The following EYS variants were observed in gnomAD, a reference collection of about 807,000 sequenced individuals.
EYS encodes the protein EGF-like photoreceptor maintenance factor, also known as protein eyes shut homolog.
EYS carries 250 observed loss-of-function variants against 282.1 expected under a neutral mutation model. That is an observed-to-expected ratio of 0.89 (90% CI 0.80 to 0.98). The LOEUF is 0.98. Ranked by LOEUF, EYS falls within the 50% of genes least tolerant of loss-of-function variation. The probability of loss-of-function intolerance (pLI) is 0.00; values close to 1 mark genes in which losing one functional copy is unlikely to be tolerated. For missense variants in EYS, 4,016 were observed against 3,709.0 expected (o/e 1.08, Z -2.15); for synonymous variants, 1,355 against 1,282.9 (o/e 1.06, Z -1.20).
intron 12 of EYS, among the ~76,000 whole-genome samples, chr6:65,170,270 C>T (rs1765075060): frequency 6.6e-6 from 1 of 150,942 alleles, no homozygotes; most frequent in African/African-American, 2.4e-5. Context: ...AAGAAAGAAC[C>T]CATTGAATGA....
At chr6:64,346,692 TAA>T (rs1333774342) in intron 29 of EYS, among the ~76,000 whole-genome samples, 1 of 151,710 alleles carries the variant, frequency 6.6e-6, no homozygotes, top group African/African-American at 2.4e-5. Context: ...CCCTAAAACT[TAA>T]AGTATAATAA....
At chr6:64,975,195 T>C (rs1366414690) in intron 14 of EYS, among the ~76,000 whole-genome samples, 1 of 151,850 alleles carries the variant, frequency 6.6e-6, no homozygotes, top group Non-Finnish European at 1.5e-5. Flanking sequence ...TGATATTGAT[T>C]AGAAACTGCA....
At chr6:64,725,163 T>C (rs960682732) in intron 22 of EYS, among the ~76,000 whole-genome samples, 3 of 152,194 alleles carry the variant, frequency 2.0e-5, no homozygotes, top group African/African-American at 7.2e-5. Context: ...AATATAGATG[T>C]TGCTTGTAAT....
In EYS at chr6:64,907,295, C is replaced by G. The variant is rs145637663; in HGVS notation, c.2642-4795G>C. ...GAGCTATTGGCCTCAAGCAATCCTCCTGCCTTAGTCTCCCAAAGTGCTGTG... is the reference window on the plus strand; with the variant it reads ...GAGCTATTGGCCTCAAGCAATCCTCGTGCCTTAGTCTCCCAAAGTGCTGTG... On this transcript the variant is annotated intron_variant, in intron 16 of 42. Transcript: ENST00000503581. Among the ~76,000 whole-genome samples, 128 of 152,218 alleles carry G rather than the reference C, an allele frequency of 8.4e-4. 1 individual carries two copies. The East Asian group carries it at 0.022, about 26-fold the overall frequency.
intron 2 of EYS, among the ~76,000 whole-genome samples, chr6:65,501,633 T>A (rs1429103070): frequency 1.3e-5 from 2 of 151,784 alleles, no homozygotes; most frequent in Non-Finnish European, 2.9e-5. Context: ...ATTCAAGATA[T>A]CATTTCAATT....
intron 22 of EYS, among the ~76,000 whole-genome samples, chr6:64,723,880 C>T (rs553386020): frequency 6.6e-6 from 1 of 152,244 alleles, no homozygotes; most frequent in South Asian, 2.1e-4. Flanking sequence ...CATCACTGCA[C>T]TGTGCCTAGT....
At chr6:65,365,823 C>T (rs527665186) in intron 8 of EYS, among the ~76,000 whole-genome samples, 1 of 151,812 alleles carries the variant, frequency 6.6e-6, no homozygotes, top group South Asian at 2.1e-4. Flanking sequence ...CCCGTGATTA[C>T]ATCTGCAATC....
chr6:65,458,373 T>G (rs1764706996), intron 5 of EYS, among the ~76,000 whole-genome samples: 1 of 152,140 alleles, frequency 6.6e-6, no homozygotes, highest in Non-Finnish European at 1.5e-5. Flanking sequence ...GATTCATCTT[T>G]GTAGTCTTAG....
chr6:64,983,580 G>C (rs1267121992), intron 14 of EYS, among the ~76,000 whole-genome samples: 1 of 151,050 alleles, frequency 6.6e-6, no homozygotes. Context: ...ATTATTTAAA[G>C]ATATTTGGAT....
intron 24 of EYS, among the ~76,000 whole-genome samples, chr6:64,605,081 C>A (rs1766880896): frequency 1.3e-5 from 2 of 151,994 alleles, no homozygotes; most frequent in Non-Finnish European, 2.9e-5. Context: ...ATCTAGCACA[C>A]AATATCACCA....
At chr6:64,235,659 C>T (rs1206304778) in intron 30 of EYS, among the ~76,000 whole-genome samples, 5 of 152,118 alleles carry the variant, frequency 3.3e-5, no homozygotes, top group African/African-American at 4.8e-5. Context: ...CCTGAGGAAT[C>T]GCCACACTGA....
At chr6:65,654,348 T>C (rs906117689) in intron 1 of EYS, among the ~76,000 whole-genome samples, 3 of 151,836 alleles carry the variant, frequency 2.0e-5, no homozygotes, top group Non-Finnish European at 4.4e-5. Context: ...ATAAATAAGA[T>C]TGTATACAAG....
intron 5 of EYS, among the ~76,000 whole-genome samples, chr6:65,483,763 T>C (rs1384549970): frequency 4.6e-5 from 7 of 152,120 alleles, no homozygotes; most frequent in African/African-American, 1.4e-4. Flanking sequence ...GAAAGAAGTT[T>C]AACGGACCTA....
intron 22 of EYS, among the ~76,000 whole-genome samples, chr6:64,716,325 G>A (rs759092900): frequency 3.9e-5 from 6 of 152,110 alleles, no homozygotes; most frequent in Non-Finnish European, 2.9e-5. Flanking sequence ...TCAAAGACTT[G>A]GATAGTTTTG....
intron 26 of EYS, among the ~76,000 whole-genome samples, chr6:64,472,155 A>G (rs990060099): frequency 3.3e-5 from 5 of 152,248 alleles, no homozygotes; most frequent in Non-Finnish European, 5.9e-5. Flanking sequence ...AAATTAAAAT[A>G]CAAGTCAAAT....
chr6:64,106,370 A>G (rs1773012239), intron 31 of EYS, among the ~76,000 whole-genome samples: 1 of 152,148 alleles, frequency 6.6e-6, no homozygotes, highest in Non-Finnish European at 1.5e-5. Flanking sequence ...ATAATTTTGC[A>G]GATACAATAG....
intron 31 of EYS, among the ~76,000 whole-genome samples, chr6:64,228,638 T>G (rs1766323902): frequency 6.6e-6 from 1 of 152,040 alleles, no homozygotes; most frequent in Admixed American, 6.6e-5. Flanking sequence ...AGAAAAATAG[T>G]TAAAAACTTA....
At chr6:65,544,575 C>T (rs150098329) in intron 2 of EYS, among the ~76,000 whole-genome samples, 89 of 152,172 alleles carry the variant, frequency 5.8e-4, no homozygotes, top group African/African-American at 1.7e-3. Flanking sequence ...CTTCCCCTTC[C>T]GCCATGATTG....
chr6:64,292,198 C>T (rs1299442114), intron 30 of EYS, among the ~76,000 whole-genome samples: 1 of 152,134 alleles, frequency 6.6e-6, no homozygotes, highest in African/African-American at 2.4e-5. Context: ...GTTAAGCTCT[C>T]TAGTTCCCAT....
Sources: gnomAD v4.1 joint callset for allele counts (sites outside exome capture counted in the v4.1 genomes callset) on GRCh38, gnomAD v4.1.1 for gene constraint, MANE v1.5 for transcripts, NCBI Gene and HGNC (gene_info 2026-07-23, HGNC 2026-07-21) for gene names.